RUNX1T1: variants seen among roughly 807,000 people sequenced by gnomAD.
The protein encoded by RUNX1T1 is RUNX1 partner transcriptional co-repressor 1.
RUNX1T1 carries 4 observed loss-of-function variants against 62.8 expected under a neutral mutation model. The ratio of observed to expected loss-of-function variants is 0.06; its 90% confidence interval spans 0.03 to 0.15. RUNX1T1 has a LOEUF of 0.15. Ranked by LOEUF, RUNX1T1 falls within the 10% of genes least tolerant of loss-of-function variation. The pLI is 1.00. For synonymous variants in RUNX1T1, 291 were observed against 286.0 expected (o/e 1.02, Z -0.18); for missense variants, 508 against 754.3 (o/e 0.67, Z 3.82).
chr8:91,958,983 T>C (rs540759591), exon 11 of RUNX1T1: 1 of 197,226 alleles, frequency 5.1e-6, no homozygotes, highest in Non-Finnish European at 1.0e-5. Context: ...ACTAGAGAAA[T>C]ATCACTAATA....
chr8:92,057,361 C>A (rs1037882165), intron 1 of RUNX1T1, among the ~76,000 whole-genome samples: 9 of 152,294 alleles, frequency 5.9e-5, no homozygotes, highest in Non-Finnish European at 1.3e-4. Flanking sequence ...GGAATCCCAT[C>A]TCTACCATTT....
rs554582463 is a variant in RUNX1T1 at position 92,088,992 on chromosome 8, T to C, written c.-86+10588A>G. On this transcript the variant is annotated intron_variant, in intron 1 of 11. Transcript: ENST00000265814. ...CTTCCCATTGAACTCTGAATACCAA[T>C]GCAAAAATTTTCTACAGCCTATGAA... is the stretch of plus-strand genomic sequence containing the variant. 1.1e-3 allele frequency among the ~76,000 whole-genome samples: 162 copies of C among 152,348 alleles called. 2 individuals are homozygous for C. Among genetic ancestry groups the C allele is most frequent in the Admixed American group, 0.01 (160 of 15,300 alleles).
intron 9 of RUNX1T1, chr8:91,971,114 A>G (rs1480355907): frequency 5.6e-6 from 2 of 355,536 alleles, no homozygotes; most frequent in African/African-American, 4.2e-5. Flanking sequence ...CAGTTCCAGC[A>G]GTCTAAAAAC....
chr8:92,001,541 G>A (rs902811497), intron 5 of RUNX1T1, among the ~76,000 whole-genome samples: 4 of 152,122 alleles, frequency 2.6e-5, no homozygotes, highest in Non-Finnish European at 4.4e-5. Flanking sequence ...GTTTAGAAGC[G>A]TTAAACTGAG....
At chr8:92,086,515 G>A (rs76390607) in intron 1 of RUNX1T1, among the ~76,000 whole-genome samples, 16 of 152,246 alleles carry the variant, frequency 1.1e-4, no homozygotes, top group Middle Eastern at 3.4e-3. Context: ...TGTAACAACC[G>A]CATTTTAAGG....
intron 1 of RUNX1T1, among the ~76,000 whole-genome samples, chr8:92,036,094 T>C (rs1827366131): frequency 6.6e-6 from 1 of 152,182 alleles, no homozygotes; most frequent in Admixed American, 6.6e-5. Context: ...CCCATCCACT[T>C]ACTAGGAATC....
exon 11 of RUNX1T1, chr8:91,959,239 G>T: frequency 4.6e-6 from 1 of 217,938 alleles, no homozygotes; most frequent in Admixed American, 5.8e-5. Flanking sequence ...TGGAGCTGAA[G>T]CCACCATTTT....
At chr8:92,045,533 A>G (rs1829246045) in intron 1 of RUNX1T1, among the ~76,000 whole-genome samples, 1 of 152,208 alleles carries the variant, frequency 6.6e-6, no homozygotes, top group South Asian at 2.1e-4. Flanking sequence ...AAATTCAAAC[A>G]GTACCCTTGA....
chr8:92,093,337 T>A (rs555554511), intron 1 of RUNX1T1, among the ~76,000 whole-genome samples: 1 of 152,166 alleles, frequency 6.6e-6, no homozygotes, highest in Non-Finnish European at 1.5e-5. Context: ...ACTCTCTGTA[T>A]GGTTCAAATT....
At chr8:92,008,228 A>T (rs527849716) in intron 4 of RUNX1T1, among the ~76,000 whole-genome samples, 1 of 152,266 alleles carries the variant, frequency 6.6e-6, no homozygotes, top group South Asian at 2.1e-4. Context: ...GACAAAAAAC[A>T]GTATCTTCAG....
chr8:91,956,990 G>GAA, downstream of RUNX1T1: 3 of 165,004 alleles, frequency 1.8e-5, no homozygotes, highest in Non-Finnish European at 3.8e-5. Context: ...AAAAATTTAA[G>GAA]AAAAAAAAAA....
At chr8:92,046,607 G>A (rs925232417) in intron 1 of RUNX1T1, among the ~76,000 whole-genome samples, 3 of 151,970 alleles carry the variant, frequency 2.0e-5, no homozygotes, top group South Asian at 2.1e-4. Context: ...CAAGCAATCC[G>A]CCTGCCTCAG....
Position 92,095,631 on chromosome 8 carries a change from G to A in RUNX1T1, c.-86+3949C>T. 4 of 1,260,794 alleles carry A rather than the reference G, an allele frequency of 3.2e-6. No homozygotes were observed. In the South Asian group the frequency reaches 7.0e-5, roughly 22 times the overall value. 78.1% of individuals were successfully genotyped at this position (1,260,794 alleles called of 1,614,324 possible). A position where few individuals can be genotyped will look rare whatever the true frequency, so the allele number is the denominator to read the frequency against. ...GGAAAAGTGGGAGAGAGAGAGAGAA[G>A]ACAGAAAGGGACAGGCAGGAGGGAA... On this transcript the variant is annotated intron_variant, in intron 1 of 11. Coordinates refer to the RUNX1T1 transcript ENST00000265814.
At chr8:92,070,414 A>G (rs1179550201) in intron 2 of RUNX1T1, among the ~76,000 whole-genome samples, 2 of 152,236 alleles carry the variant, frequency 1.3e-5, no homozygotes, top group Non-Finnish European at 2.9e-5. Context: ...AAAGAAATGC[A>G]GCAGGCTGAT....
At chr8:92,004,940 T>C (rs1820455329) in intron 5 of RUNX1T1, 176 bp downstream of exon 6, 1 of 575,890 alleles carries the variant, frequency 1.7e-6, no homozygotes, top group African/African-American at 1.9e-5. Context: ...AGGCCAGAGA[T>C]TCAAAACTCT....
chr8:91,981,578 G>A (rs1484476058), intron 8 of RUNX1T1, among the ~76,000 whole-genome samples: 1 of 151,372 alleles, frequency 6.6e-6, no homozygotes, highest in African/African-American at 2.4e-5. Context: ...CCATTATCTG[G>A]CTAATTTTTT....
intron 10 of RUNX1T1, among the ~76,000 whole-genome samples, chr8:91,960,751 T>C (rs368635882): frequency 1.3e-5 from 2 of 152,236 alleles, no homozygotes; most frequent in East Asian, 1.9e-4. Context: ...GACAAAGCAG[T>C]TGAAGACTTT....
intron 10 of RUNX1T1, among the ~76,000 whole-genome samples, chr8:91,962,281 G>GAA (rs1810643018): frequency 6.6e-6 from 1 of 152,020 alleles, no homozygotes; most frequent in African/African-American, 2.4e-5. Context: ...AAATAAAAAA[G>GAA]AAATTACAAT....
At chr8:91,956,918 A>G (rs1421871156), downstream of RUNX1T1, 2 of 202,550 alleles carry the variant, frequency 9.9e-6, no homozygotes, top group African/African-American at 2.3e-5. Flanking sequence ...CATGCTTTGC[A>G]TAAGTAAACC....
Sources: gnomAD v4.1 joint callset for allele counts (sites outside exome capture counted in the v4.1 genomes callset) on GRCh38, gnomAD v4.1.1 for gene constraint, MANE v1.5 for transcripts, NCBI Gene and HGNC (gene_info 2026-07-23, HGNC 2026-07-21) for gene names.